Variants in ALK observed in about 807,000 individuals in gnomAD.
ALK encodes ALK receptor tyrosine kinase, also known as ALK tyrosine kinase receptor.
ALK carries 74 observed loss-of-function variants against 163.1 expected under a neutral mutation model. That is an observed-to-expected ratio of 0.45 (90% CI 0.38 to 0.55). The LOEUF is 0.55. Ranked by LOEUF, ALK falls within the 20% of genes least tolerant of loss-of-function variation. ALK has a pLI of 0.00. For synonymous variants in ALK, 960 were observed against 843.2 expected (o/e 1.14, Z -2.40); for missense variants, 2,063 against 2,105.3 (o/e 0.98, Z 0.39).
chr2:29,470,343 G>A (rs1211728397), intron 4 of ALK, among the ~76,000 whole-genome samples: 2 of 134,440 alleles, frequency 1.5e-5, no homozygotes, highest in Non-Finnish European at 3.4e-5. Context: ...AATACTGGCT[G>A]ACAATTTTTC....
intron 4 of ALK, among the ~76,000 whole-genome samples, chr2:29,481,749 CTT>C (rs1558343894): frequency 6.6e-6 from 1 of 152,140 alleles, no homozygotes; most frequent in African/African-American, 2.4e-5. Flanking sequence ...TCATTTTTCT[CTT>C]TGCATGGTTC....
chr2:29,643,644 T>A (rs2148247559), intron 3 of ALK, among the ~76,000 whole-genome samples: 1 of 152,312 alleles, frequency 6.6e-6, no homozygotes, highest in South Asian at 2.1e-4. Context: ...ACTGTGGCTC[T>A]GTCTTATAAC....
intron 3 of ALK, among the ~76,000 whole-genome samples, 167 bp downstream of exon 3, chr2:29,694,683 T>G (rs1182083192): frequency 2.0e-5 from 3 of 152,178 alleles, no homozygotes; most frequent in Non-Finnish European, 4.4e-5. Flanking sequence ...CTTGTCTTCC[T>G]CCCCTCCTTG....
chr2:29,247,250 C>A (rs60573549), intron 12 of ALK, among the ~76,000 whole-genome samples: 19,574 of 152,200 alleles, frequency 0.13, 1,864 homozygotes, highest in African/African-American at 0.27. Flanking sequence ...TGTGCACACA[C>A]CACCACCACC....
intron 3 of ALK, among the ~76,000 whole-genome samples, chr2:29,688,977 CA>C (rs1187339004): frequency 6.6e-6 from 1 of 152,160 alleles, no homozygotes; most frequent in Non-Finnish European, 1.5e-5. Context: ...GGGACAATGG[CA>C]GCACTTTTGG....
At chr2:29,633,766 A>T (rs1676447574) in intron 3 of ALK, among the ~76,000 whole-genome samples, 1 of 152,182 alleles carries the variant, frequency 6.6e-6, no homozygotes, top group African/African-American at 2.4e-5. Context: ...TCAAAAGCGT[A>T]ATAAGGGAAT....
At chr2:29,206,795 GTGTGTA>G (rs1220419447) in intron 26 of ALK, among the ~76,000 whole-genome samples, 1 of 147,360 alleles carries the variant, frequency 6.8e-6, no homozygotes, top group African/African-American at 2.7e-5. Context: ...GTGTGTGTGT[GTGTGTA>G]TGTATGTGTA....
intron 1 of ALK, among the ~76,000 whole-genome samples, chr2:29,813,288 C>T (rs1343230286): frequency 6.6e-6 from 1 of 152,158 alleles, no homozygotes; most frequent in Admixed American, 6.5e-5. Flanking sequence ...TTCCAGGTGT[C>T]CTCACCTCAT....
At chr2:29,573,861 T>C (rs926432116) in intron 3 of ALK, among the ~76,000 whole-genome samples, 7 of 152,022 alleles carry the variant, frequency 4.6e-5, no homozygotes, top group African/African-American at 1.7e-4. Flanking sequence ...GAAAATGGAA[T>C]GTGATGGGCA....
At chr2:29,630,648 C>T (rs979031631) in intron 3 of ALK, among the ~76,000 whole-genome samples, 2 of 151,762 alleles carry the variant, frequency 1.3e-5, no homozygotes, top group African/African-American at 4.8e-5. Context: ...TATAAACCAC[C>T]AGGTATCAGG....
intron 4 of ALK, among the ~76,000 whole-genome samples, chr2:29,440,376 G>C (rs1011385314): frequency 2.7e-5 from 4 of 148,368 alleles, no homozygotes; most frequent in African/African-American, 1.0e-4. Context: ...GAGTGCAGTG[G>C]TGCGATCTCC....
intron 4 of ALK, among the ~76,000 whole-genome samples, chr2:29,419,110 A>C (rs943174407): frequency 6.6e-6 from 1 of 151,348 alleles, no homozygotes; most frequent in Non-Finnish European, 1.5e-5. Context: ...GCTTGGGTGC[A>C]GTAGTGCAAA....
intron 1 of ALK, among the ~76,000 whole-genome samples, chr2:29,779,172 AC>A (rs1472626238): frequency 6.6e-6 from 1 of 152,118 alleles, no homozygotes; most frequent in Non-Finnish European, 1.5e-5. Flanking sequence ...AAACAAAAAA[AC>A]AAAAAAAAGA....
At chr2:29,610,138 C>T (rs191579311) in intron 3 of ALK, among the ~76,000 whole-genome samples, 15 of 152,278 alleles carry the variant, frequency 9.9e-5, no homozygotes, top group African/African-American at 3.4e-4. Flanking sequence ...TAAGTACCAG[C>T]ATAACTTTGT....
chr2:29,219,642 C>A (rs538627922), intron 23 of ALK, among the ~76,000 whole-genome samples: 1 of 152,302 alleles, frequency 6.6e-6, no homozygotes, highest in Non-Finnish European at 1.5e-5. Flanking sequence ...ACCTGCAGAC[C>A]CAAGCATGGG....
intron 15 of ALK, 100 bp from the exon 16 acceptor site, chr2:29,229,166 G>A (rs898555075): frequency 3.7e-6 from 4 of 1,082,070 alleles, no homozygotes; most frequent in Admixed American, 1.9e-5. Flanking sequence ...GAGGGCGCCC[G>A]CACCAGCTCC....
chr2:29,229,751 G>A (rs1377235189), intron 15 of ALK, among the ~76,000 whole-genome samples: 1 of 152,162 alleles, frequency 6.6e-6, no homozygotes. Context: ...TCAGGGGCTC[G>A]AGAGGCAGAA....
At chr2:29,434,252 T>C (rs997189323) in intron 4 of ALK, among the ~76,000 whole-genome samples, 2 of 152,232 alleles carry the variant, frequency 1.3e-5, no homozygotes, top group African/African-American at 4.8e-5. Context: ...AGTGGGCATA[T>C]TGTCCTTTGG....
intron 5 of ALK, among the ~76,000 whole-genome samples, chr2:29,345,119 C>T (rs896522602): frequency 4.6e-5 from 7 of 152,260 alleles, no homozygotes; most frequent in African/African-American, 1.7e-4. Flanking sequence ...CCAGGCCGGG[C>T]GCAGTGGCTC....
Sources: allele counts gnomAD v4.1 joint callset (sites outside exome capture counted in the v4.1 genomes callset), GRCh38; gene constraint gnomAD v4.1.1; transcripts MANE v1.5; gene names NCBI Gene and HGNC (gene_info 2026-07-23, HGNC 2026-07-21).